STK32C: variants seen among roughly 807,000 people sequenced by gnomAD.
STK32C encodes the protein serine/threonine-protein kinase 32C.
STK32C carries 31 observed loss-of-function variants against 56.5 expected under a neutral mutation model. The observed-to-expected ratio is 0.55, with a 90% CI of 0.41 to 0.74. The LOEUF (loss-of-function observed/expected upper bound fraction) is 0.74, where lower values mean the gene tolerates loss of function less well. Among genes scored for constraint, STK32C ranks in the 30% least tolerant of loss-of-function variants. The pLI, the probability that STK32C is intolerant of heterozygous loss-of-function variation, is 0.00. For synonymous variants in STK32C, 309 were observed against 289.4 expected, an observed-to-expected ratio of 1.07 and a Z score of -0.69; for missense variants, 544 against 676.9, an observed-to-expected ratio of 0.80 and a Z score of 2.18.
In STK32C at chr10:132,208,106, A is replaced by C. The variant is rs561939647; in HGVS notation, c.1365T>G (p.Pro455=). The C allele has an allele frequency of 7.6e-6, 10 of 1,310,824 alleles. No individual in the cohort carries two copies. The South Asian group carries it at 9.6e-5, about 13-fold the overall frequency. The allele number at this position is 1,310,824 out of a possible 1,614,324, so 81.2% of individuals were successfully genotyped here. A position where few individuals can be genotyped will look rare whatever the true frequency, so the allele number is the denominator to read the frequency against. ...QDLPREPLPA[P]ESRDAAEPVE... is the part of the protein sequence containing the mutation. ...CAGGCTCCGCAGCATCCCTGGACTC[A>C]GGGGCGGGGAGAGGCTCCCTCGGGA... The change falls in exon 12 of 12, where the codon CCT becomes CCG. Residue 455 remains proline, a synonymous_variant. Coordinates refer to ENST00000298630, the MANE Select transcript of STK32C (RefSeq NM_173575.4).
intron 1 of STK32C, among the ~76,000 whole-genome samples, chr10:132,316,195 A>C (rs921128302): frequency 6.6e-6 from 1 of 152,208 alleles, no homozygotes; most frequent in African/African-American, 2.4e-5. Context: ...TAAAAAGAAA[A>C]TAAATTGTAA....
At chr10:132,271,053 G>A (rs1231668622) in intron 1 of STK32C, among the ~76,000 whole-genome samples, 1 of 152,150 alleles carries the variant, frequency 6.6e-6, no homozygotes, top group Non-Finnish European at 1.5e-5. Flanking sequence ...CAGATGGGGT[G>A]CAAGGAGGGT....
intron 1 of STK32C, among the ~76,000 whole-genome samples, chr10:132,274,299 T>A (rs537364923): frequency 6.6e-6 from 1 of 152,292 alleles, no homozygotes; most frequent in African/African-American, 2.4e-5. Flanking sequence ...ATGTGGCGTC[T>A]GAATCAAATG....
chr10:132,227,611 A>ATGATGG (rs1057118632), intron 3 of STK32C, among the ~76,000 whole-genome samples: 10 of 136,324 alleles, frequency 7.3e-5, no homozygotes, highest in Admixed American at 3.2e-4. Flanking sequence ...GGTGATGGCG[A>ATGATGG]TGATGGTGGT....
chr10:132,303,219 G>C (rs919707727), intron 1 of STK32C, among the ~76,000 whole-genome samples: 3 of 152,240 alleles, frequency 2.0e-5, no homozygotes, highest in African/African-American at 7.2e-5. Context: ...TCCTGGGAAA[G>C]AGGAGAACTA....
chr10:132,330,463 G>A (rs1163218033), intron 1 of STK32C: 1 of 717,042 alleles, frequency 1.4e-6, no homozygotes, highest in Non-Finnish European at 2.6e-6. Flanking sequence ...TCCTGAGAAG[G>A]TACTGGTTGT....
chr10:132,307,564 G>A lies in STK32C; in HGVS notation c.262+8C>T, dbSNP rs1160671116. The A allele has an allele frequency of 3.3e-6, 5 of 1,537,532 alleles. No homozygotes were observed. The highest frequency in any genetic ancestry group is 2.6e-6 in the Non-Finnish European group (3 of 1,143,696). ...CGGCCCCCACGTCGTCCCCGTGCCC[G>A]CACTCACCGTCCTCCTTGTCGTCAA... On this transcript the variant is annotated splice_region_variant and intron_variant, in intron 1 of 11. Coordinates refer to ENST00000298630, the MANE Select transcript of STK32C (RefSeq NM_173575.4). This position sits in a 1 kb window ranked among gnomAD's most constrained non-coding sequence, Gnocchi z 4.4.
At chr10:132,260,678 C>A (rs895988494) in intron 1 of STK32C, among the ~76,000 whole-genome samples, 1 of 152,242 alleles carries the variant, frequency 6.6e-6, no homozygotes, top group Non-Finnish European at 1.5e-5. Flanking sequence ...GCACCCAGGG[C>A]CCCGTGATCG....
At chr10:132,292,872 G>A (rs1183942734) in intron 1 of STK32C, among the ~76,000 whole-genome samples, 2 of 152,010 alleles carry the variant, frequency 1.3e-5, no homozygotes, top group African/African-American at 2.4e-5. Flanking sequence ...GCCCCGCGAC[G>A]ACCCGCTGCC....
At position 132,287,478 on chromosome 10, in the gene STK32C, C is replaced by A. The variant is rs190295538; in HGVS notation, c.262+20094G>T. 2.8e-3 allele frequency among the ~76,000 whole-genome samples: 415 copies of A among 149,234 alleles called. 3 individuals are homozygous for A. Among genetic ancestry groups the A allele is most frequent in the African/African-American group, 9.3e-3 (383 of 40,974 alleles). ...GTACTCTCCAGCCTGGGCGACAGAG[C>A]GAGACTCAGTCAAAACAGGCTAGAG... is the stretch of plus-strand genomic sequence containing the variant. On this transcript the variant is annotated intron_variant, in intron 1 of 11. Transcript: ENST00000298630.
At chr10:132,270,782 C>A (rs1211453009) in intron 1 of STK32C, among the ~76,000 whole-genome samples, 1 of 152,188 alleles carries the variant, frequency 6.6e-6, no homozygotes, top group Non-Finnish European at 1.5e-5. Flanking sequence ...ACCCTGGACT[C>A]AGAGCTCCAT....
At position 132,292,049 on chromosome 10, in the gene STK32C, A is replaced by G. The variant is rs1021561707; in HGVS notation, c.262+15523T>C. ...TGGAGGCTTCCCCTGCAGGGGCCCA[A>G]GGCTCCTACAGGGACTGAGCACCTC... On this transcript the variant is annotated intron_variant, in intron 1 of 11. Coordinates refer to ENST00000298630, the MANE Select transcript of STK32C (RefSeq NM_173575.4). Among the ~76,000 whole-genome samples the G allele has an allele frequency of 5.3e-5, 8 of 152,070 alleles. 1 individual carries two copies. The highest frequency in any genetic ancestry group is 1.7e-4 in the African/African-American group (7 of 41,400).
intron 1 of STK32C, among the ~76,000 whole-genome samples, chr10:132,258,443 C>G (rs941192471): frequency 3.9e-5 from 6 of 152,268 alleles, no homozygotes; most frequent in African/African-American, 2.4e-5. Context: ...CCTTCCAGGG[C>G]TCTTTGCAAA....
rs755549259 is a variant in STK32C, at chr10:132,209,369, A to G, written c.1252-268T>C. The G allele has an allele frequency of 1.6e-5, 11 of 687,412 alleles. 1 individual carries two copies. The East Asian group carries it at 2.7e-4, about 17-fold the overall frequency. 42.6% of individuals were successfully genotyped at this position (687,412 alleles called of 1,614,324 possible). A position where few individuals can be genotyped will look rare whatever the true frequency, so the allele number is the denominator to read the frequency against. On this transcript the variant is annotated intron_variant, in intron 10 of 11. Coordinates refer to ENST00000298630, the MANE Select transcript of STK32C (RefSeq NM_173575.4). Reference sequence around the variant, plus strand: ...CTTGGACTTGCTCCGTGGGGCCTGCAGGACCAGGCAGAAGCTGTTCTCTGC... The same window carrying G: ...CTTGGACTTGCTCCGTGGGGCCTGCGGGACCAGGCAGAAGCTGTTCTCTGC...
intron 2 of STK32C, among the ~76,000 whole-genome samples, chr10:132,241,641 G>C (rs536500651): frequency 3.9e-5 from 6 of 152,184 alleles, no homozygotes; most frequent in Non-Finnish European, 8.8e-5. Context: ...AAATAAACAC[G>C]AAGGAAGAGC....
rs574348887 is a variant in STK32C at position 132,272,266 on chromosome 10, C to A, written c.263-26311G>T. Among the ~76,000 whole-genome samples the A allele has an allele frequency of 3.3e-5, 5 of 152,350 alleles. 1 individual carries two copies. The highest frequency in any genetic ancestry group is 9.6e-5 in the African/African-American group (4 of 41,592). On this transcript the variant is annotated intron_variant, in intron 1 of 11. Coordinates refer to ENST00000298630, the MANE Select transcript of STK32C (RefSeq NM_173575.4). ...GGAGACACCCACAGAGGAATGGCCA[C>A]GTGAGGACGCTGCCCACGAGCCAAG...
At chr10:132,320,203 G>C (rs990619291), downstream of STK32C, among the ~76,000 whole-genome samples, 1 of 152,094 alleles carries the variant, frequency 6.6e-6, no homozygotes, top group African/African-American at 2.4e-5. Context: ...AGGGGATGGT[G>C]GGGGGTGTGC....
chr10:132,212,224 G>C (rs913010585), intron 10 of STK32C, among the ~76,000 whole-genome samples: 1 of 152,210 alleles, frequency 6.6e-6, no homozygotes, highest in Non-Finnish European at 1.5e-5. Flanking sequence ...CAGTTATCAA[G>C]ATGGTGCAGT....
At chr10:132,311,171 T>A (rs538265154), upstream of STK32C, among the ~76,000 whole-genome samples, 76 of 152,278 alleles carry the variant, frequency 5.0e-4, no homozygotes, top group African/African-American at 1.8e-3. This position sits in a 1 kb window ranked among gnomAD's most constrained non-coding sequence, Gnocchi z 4.4. Context: ...CACACCGAGA[T>A]GTGTGCTTCA....
Sources: gnomAD v4.1 joint callset for allele counts (sites outside exome capture counted in the v4.1 genomes callset) on GRCh38, gnomAD v4.1.1 for gene constraint, Gnocchi (gnomAD v3.1) non-coding constraint, MANE v1.5 for transcripts, NCBI Gene and HGNC (gene_info 2026-07-23, HGNC 2026-07-21) for gene names.